KIAA1328: variants seen among roughly 807,000 people sequenced by gnomAD.
KIAA1328 encodes the protein protein hinderin.
A neutral mutation model predicts 68.1 loss-of-function variants in KIAA1328; 52 were observed. That is an observed-to-expected ratio of 0.76 (90% CI 0.61 to 0.96). The LOEUF is 0.96. KIAA1328 is among the 40% of genes least tolerant of loss of function. The probability of loss-of-function intolerance (pLI) is 0.00; values close to 1 mark genes in which losing one functional copy is unlikely to be tolerated. For synonymous variants in KIAA1328, 232 were observed against 239.4 expected (o/e 0.97, Z 0.28); for missense variants, 641 against 677.6 (o/e 0.95, Z 0.60).
intron 4 of KIAA1328, among the ~76,000 whole-genome samples, chr18:36,877,663 CTTTTTTTTT>C (rs908999170): frequency 5.2e-5 from 6 of 116,028 alleles, no homozygotes; most frequent in Admixed American, 4.4e-4. Context: ...CAGTCTGTGT[CTTTTTTTTT>C]TTTTTTTTTT....
chr18:37,033,205 A>G (rs761107800), intron 6 of KIAA1328, among the ~76,000 whole-genome samples: 4 of 152,170 alleles, frequency 2.6e-5, no homozygotes, highest in Non-Finnish European at 5.9e-5. Context: ...GCTTATTTAT[A>G]ATAGGACTTT....
At chr18:36,844,155 A>G in intron 3 of KIAA1328, 53 bp from the exon 4 acceptor site, 3 of 1,243,406 alleles carry the variant, frequency 2.4e-6, no homozygotes, top group East Asian at 2.5e-5. Context: ...TTTCTTGAAA[A>G]GACTTTAAAA....
chr18:37,146,123 T>C (rs1235531443), intron 7 of KIAA1328, among the ~76,000 whole-genome samples: 1 of 152,134 alleles, frequency 6.6e-6, no homozygotes, highest in African/African-American at 2.4e-5. Flanking sequence ...CAGGGATACA[T>C]GTGCAGGTTT....
At position 37,121,103 on chromosome 18, in the gene KIAA1328, TTTTAGAG is replaced by T. The variant is rs143961334; in HGVS notation, c.1233-39092_1233-39086del. On this transcript the variant is annotated intron_variant, in intron 7 of 9. Transcript: ENST00000280020. The stretch of plus-strand genomic sequence containing the variant: ...AAACCATGAAGCTGGATTTTTAAAG[TTTTAGAG>T]TTTAAAGAGCCTATAAAGGTATAGT... Among the ~76,000 whole-genome samples, 22 of 152,228 alleles carry T rather than the reference TTTTAGAG, an allele frequency of 1.4e-4. No homozygotes were observed. The East Asian group carries it at 4.1e-3, about 28-fold the overall frequency.
intron 6 of KIAA1328, among the ~76,000 whole-genome samples, chr18:37,036,824 T>A (rs60263618): frequency 2.0e-5 from 3 of 152,210 alleles, no homozygotes; most frequent in Admixed American, 1.3e-4. Flanking sequence ...CTGGTTCAAA[T>A]TTAGTCTAGA....
At chr18:36,927,146 GAGGGGACAAATATCCAACCATATC>G (rs1445526342) in intron 5 of KIAA1328, among the ~76,000 whole-genome samples, 1 of 152,136 alleles carries the variant, frequency 6.6e-6, no homozygotes, top group African/African-American at 2.4e-5. Flanking sequence ...ATGAGATTTG[GAGGGGACAAATATCCAACCATATC>G]AGCATAAAAG....
At chr18:36,837,135 C>T (rs763990539) in intron 3 of KIAA1328, among the ~76,000 whole-genome samples, 13 of 152,036 alleles carry the variant, frequency 8.6e-5, no homozygotes, top group Non-Finnish European at 1.3e-4. Flanking sequence ...ATTGCTGTGT[C>T]GTGTAGTTTT....
intron 7 of KIAA1328, among the ~76,000 whole-genome samples, chr18:37,070,268 T>G (rs1283781148): frequency 6.6e-6 from 1 of 152,164 alleles, no homozygotes; most frequent in Non-Finnish European, 1.5e-5. Flanking sequence ...TGTTCCATGA[T>G]GTTTGAAAAG....
intron 1 of KIAA1328, among the ~76,000 whole-genome samples, chr18:36,831,389 G>A (rs1323787134): frequency 1.3e-5 from 2 of 152,024 alleles, no homozygotes; most frequent in Non-Finnish European, 2.9e-5. Flanking sequence ...GAACGTTTTA[G>A]TACCTCATCT....
At chr18:37,088,686 A>G (rs2057177244) in intron 7 of KIAA1328, among the ~76,000 whole-genome samples, 1 of 152,074 alleles carries the variant, frequency 6.6e-6, no homozygotes, top group South Asian at 2.1e-4. Flanking sequence ...AAGAAAATAA[A>G]ATATACCTAT....
rs2060614288 is a variant in KIAA1328, at chr18:37,224,502, GGTGCAA to G, written c.*2277_*2282del. On this transcript the variant is annotated 3_prime_UTR_variant, in exon 10 of 10. Transcript: ENST00000280020. ...ACTTAATGGACATTTTGTTGGTGTT[GGTGCAA>G]GGGCAATAGGATGTAAATTTGTATA... 3 of 985,210 alleles carry G rather than the reference GGTGCAA, an allele frequency of 3.0e-6. No individual in the cohort carries two copies. The highest frequency in any genetic ancestry group is 3.6e-6 in the Non-Finnish European group (3 of 829,814). The allele number at this position is 985,210 out of a possible 1,614,324, so 61.0% of individuals were successfully genotyped here.
chr18:37,152,831 A>G (rs2059066913), intron 7 of KIAA1328, among the ~76,000 whole-genome samples: 1 of 152,174 alleles, frequency 6.6e-6, no homozygotes, highest in South Asian at 2.1e-4. Context: ...GCAGCCCCCA[A>G]ATCATTTGTT....
intron 5 of KIAA1328, among the ~76,000 whole-genome samples, chr18:36,889,633 T>G (rs932301503): frequency 6.6e-6 from 1 of 152,226 alleles, no homozygotes; most frequent in African/African-American, 2.4e-5. Context: ...GTTTATAATA[T>G]GTAGATAACT....
chr18:36,944,890 G>C (rs992346333), intron 5 of KIAA1328, among the ~76,000 whole-genome samples: 1 of 152,070 alleles, frequency 6.6e-6, no homozygotes, highest in African/African-American at 2.4e-5. Context: ...AAAACATATA[G>C]GGCCAAAAAG....
chr18:37,222,425 C>G lies in KIAA1328; in HGVS notation c.*198C>G. 2 of 1,419,616 alleles carry G rather than the reference C, an allele frequency of 1.4e-6. No individual in the cohort carries two copies. The highest frequency in any genetic ancestry group is 1.8e-6 in the Non-Finnish European group (2 of 1,092,312). The allele number at this position is 1,419,616 out of a possible 1,614,324, so 87.9% of individuals were successfully genotyped here. On this transcript the variant is annotated 3_prime_UTR_variant, in exon 10 of 10. Coordinates refer to ENST00000280020, the MANE Select transcript of KIAA1328 (RefSeq NM_020776.3). ...ATCAGACCAGGCATTCGATAACACA[C>G]TAAGGGGGTAGGAATGGAAGATGGT...
At chr18:37,220,673 G>A (rs1041483742) in intron 9 of KIAA1328, among the ~76,000 whole-genome samples, 33 of 152,104 alleles carry the variant, frequency 2.2e-4, no homozygotes, top group South Asian at 2.1e-4. Flanking sequence ...TGACATTTTT[G>A]CCACAGGGAT....
At chr18:37,009,075 G>A (rs1046572012) in intron 6 of KIAA1328, among the ~76,000 whole-genome samples, 1 of 152,096 alleles carries the variant, frequency 6.6e-6, no homozygotes, top group African/African-American at 2.4e-5. Context: ...CACAAATGAG[G>A]ACACACCTTC....
intron 7 of KIAA1328, among the ~76,000 whole-genome samples, chr18:37,105,654 A>G (rs1488637985): frequency 1.3e-5 from 2 of 151,966 alleles, no homozygotes; most frequent in Admixed American, 1.3e-4. Flanking sequence ...GGCTGTTCAC[A>G]GTGGCTCATG....
rs2054626383 is a variant in KIAA1328 at position 37,027,355 on chromosome 18, T to C, written c.577-39535T>C. On this transcript the variant is annotated intron_variant, in intron 6 of 9. Coordinates refer to ENST00000280020, the MANE Select transcript of KIAA1328 (RefSeq NM_020776.3). ...GCTACCAATGACTTTCTTCACAGAA[T>C]TGGAAAAAACTACTTTAAAGTTCAT... Among the ~76,000 whole-genome samples the C allele has an allele frequency of 3.3e-5, 5 of 152,240 alleles. No individual in the cohort carries two copies. In the South Asian group the frequency reaches 1.0e-3, roughly 32 times the overall value.
Sources: gnomAD v4.1 joint callset for allele counts (sites outside exome capture counted in the v4.1 genomes callset) on GRCh38, gnomAD v4.1.1 for gene constraint, MANE v1.5 for transcripts, NCBI Gene and HGNC (gene_info 2026-07-23, HGNC 2026-07-21) for gene names.